BAZ2B: variants seen among roughly 807,000 people sequenced by gnomAD.
The protein encoded by BAZ2B is bromodomain adjacent to zinc finger domain 2B.
In BAZ2B, 91 loss-of-function variants were observed where a neutral mutation model predicts 246.0. That is an observed-to-expected ratio of 0.37 (90% CI 0.31 to 0.44). The LOEUF is 0.44. Among genes scored for constraint, BAZ2B ranks in the 20% least tolerant of loss-of-function variants. The pLI is 1.00. For synonymous variants in BAZ2B, 855 were observed against 860.0 expected, an observed-to-expected ratio of 0.99 and a Z score of 0.10; for missense variants, 2,332 against 2,533.7, an observed-to-expected ratio of 0.92 and a Z score of 1.71.
the BAZ2B span, among the ~76,000 whole-genome samples, chr2:159,686,549 T>G: frequency 1.3e-5 from 2 of 151,968 alleles, no homozygotes; most frequent in Non-Finnish European, 2.9e-5. Context: ...CAGAGGAGAT[T>G]TGAGAGATGT....
At chr2:159,538,270 T>C (rs761720293) in intron 2 of BAZ2B, among the ~76,000 whole-genome samples, 136 of 152,376 alleles carry the variant, frequency 8.9e-4, no homozygotes, top group Non-Finnish European at 3.7e-4. Context: ...GAAAGGCTTC[T>C]GATCTTCACC....
the BAZ2B span, among the ~76,000 whole-genome samples, chr2:159,642,889 C>T: frequency 1.3e-5 from 2 of 152,066 alleles, no homozygotes; most frequent in Admixed American, 6.5e-5. Flanking sequence ...TCAATATTAT[C>T]GAGTATCTCA....
chr2:159,460,254 T>A (rs1269696568), intron 3 of BAZ2B: 1 of 152,062 alleles, frequency 6.6e-6, no homozygotes. Context: ...TCAACAAGGT[T>A]TTCCCCCTAT....
intron 2 of BAZ2B, among the ~76,000 whole-genome samples, chr2:159,493,678 T>C (rs2080756167): frequency 2.0e-5 from 3 of 152,220 alleles, no homozygotes; most frequent in Admixed American, 1.3e-4. Flanking sequence ...TATATTCACT[T>C]AAAAGCTTAA....
At chr2:159,683,544 T>C in the BAZ2B span, among the ~76,000 whole-genome samples, 1 of 152,250 alleles carries the variant, frequency 6.6e-6, no homozygotes, top group Non-Finnish European at 1.5e-5. Flanking sequence ...GTTTTCTTGT[T>C]GCTGCTATAA....
chr2:159,413,812 G>A (rs1001351449), intron 13 of BAZ2B, among the ~76,000 whole-genome samples: 8 of 152,142 alleles, frequency 5.3e-5, no homozygotes, highest in Non-Finnish European at 7.4e-5. Context: ...TATCAAGAAC[G>A]TATCAATGTA....
intron 1 of BAZ2B, among the ~76,000 whole-genome samples, chr2:159,557,320 T>G (rs1428527340): frequency 6.6e-6 from 1 of 151,694 alleles, no homozygotes; most frequent in Non-Finnish European, 1.5e-5. Flanking sequence ...TAAAGCAAGT[T>G]AATCAGATCA....
intron 27 of BAZ2B, among the ~76,000 whole-genome samples, chr2:159,371,946 T>C (rs1002172011): frequency 6.6e-6 from 1 of 152,202 alleles, no homozygotes; most frequent in African/African-American, 2.4e-5. Context: ...AGAGGTCTAT[T>C]TGTATAAGCT....
chr2:159,569,814 G>A (rs1362135469), intron 1 of BAZ2B, among the ~76,000 whole-genome samples: 1 of 151,846 alleles, frequency 6.6e-6, no homozygotes, highest in Non-Finnish European at 1.5e-5. Flanking sequence ...GACAGAGCAA[G>A]AGCCTGTCTC....
At chr2:159,665,035 CA>C in the BAZ2B span, among the ~76,000 whole-genome samples, 2 of 147,520 alleles carry the variant, frequency 1.4e-5, no homozygotes, top group African/African-American at 5.0e-5. Context: ...ACAAAAATCA[CA>C]AGCATTCTTA....
Position 159,551,862 on chromosome 2 carries a change from T to G in BAZ2B, c.-3+3961A>C, listed in dbSNP as rs1578301581. On this transcript the variant is annotated intron_variant, in intron 2 of 36. Transcript: ENST00000392783. ...TATGATGAGGGTAAGAAAAGTGTAG[T>G]ATGTGCCATCTTTTGTGCTAAGTGC... Among the ~76,000 whole-genome samples the G allele has an allele frequency of 2.0e-5, 3 of 152,304 alleles. No individual in the cohort carries two copies. The South Asian group carries it at 6.2e-4, about 32-fold the overall frequency.
intron 2 of BAZ2B, among the ~76,000 whole-genome samples, chr2:159,543,706 T>C (rs1174374435): frequency 6.6e-6 from 1 of 152,154 alleles, no homozygotes; most frequent in Non-Finnish European, 1.5e-5. Flanking sequence ...CAGCTAATTT[T>C]TGTATTTTTA....
At chr2:159,496,376 A>T (rs1318372089) in intron 2 of BAZ2B, among the ~76,000 whole-genome samples, 1 of 7,016 alleles carries the variant, frequency 1.4e-4, no homozygotes, top group Non-Finnish European at 5.9e-4. Context: ...GACTCCATCT[A>T]AAAAAAAAAA....
intron 24 of BAZ2B, 98 bp downstream of exon 24, chr2:159,383,508 C>A (rs1017742730): frequency 7.7e-6 from 8 of 1,034,536 alleles, no homozygotes; most frequent in Non-Finnish European, 1.2e-5. Flanking sequence ...TTTCTTTAGA[C>A]AATAAAAGTT....
Position 159,337,040 on chromosome 2 carries a change from T to A in BAZ2B, c.5698A>T (p.Arg1900Ter). Residue 1900 changes from arginine (R) to a stop codon, truncating the protein, a stop_gained, in exon 33 of 37, where the codon AGA becomes TGA. Coordinates refer to ENST00000392783, the MANE Select transcript of BAZ2B (RefSeq NM_013450.4). LOFTEE classifies it high-confidence loss of function. ...CTGCGAGCTTCTGATAATGCCCTTC[T>A]CCATACCCTGAGCCCTGGAGCAATA... is the stretch of plus-strand genomic sequence containing the variant. ...EDIAPGLRVW[R>*]RALSEARSAA... 1 of 1,613,246 alleles carries A rather than the reference T, an allele frequency of 6.2e-7. No homozygotes were observed.
the BAZ2B span, chr2:159,689,762 A>T: frequency 2.0e-6 from 1 of 494,658 alleles, no homozygotes; most frequent in South Asian, 2.2e-5. Context: ...GTCTGGAATC[A>T]ATTTATTGAC....
At chr2:159,325,584 G>C (rs1352305581) in intron 35 of BAZ2B, 69 bp downstream of exon 35, 1 of 1,461,774 alleles carries the variant, frequency 6.8e-7, no homozygotes. Flanking sequence ...GCTTTAATAT[G>C]GTAAAAGGTT....
At chr2:159,564,099 C>T (rs2090132316) in intron 1 of BAZ2B, among the ~76,000 whole-genome samples, 1 of 152,134 alleles carries the variant, frequency 6.6e-6, no homozygotes, top group Non-Finnish European at 1.5e-5. Flanking sequence ...ATAAGTACTA[C>T]ACTGAAGGGT....
rs144950245 is a variant in BAZ2B, at chr2:159,422,811, T to A, written c.2466+5130A>T. On this transcript the variant is annotated intron_variant, in intron 13 of 36. Transcript: ENST00000392783. ...GGAGCAAATATTCACAAACTATATATCTGACAAAGGTGCAATATCTAGACT... is the reference window on the plus strand; with the variant it reads ...GGAGCAAATATTCACAAACTATATAACTGACAAAGGTGCAATATCTAGACT... Among the ~76,000 whole-genome samples, 28 of 152,104 alleles carry A rather than the reference T, an allele frequency of 1.8e-4. No homozygotes were observed. In the East Asian group the frequency reaches 5.4e-3, roughly 29 times the overall value.
Sources: gnomAD v4.1 joint callset for allele counts (sites outside exome capture counted in the v4.1 genomes callset) on GRCh38, gnomAD v4.1.1 for gene constraint, MANE v1.5 for transcripts, NCBI Gene and HGNC (gene_info 2026-07-23, HGNC 2026-07-21) for gene names.